STX8: variants seen among roughly 807,000 people sequenced by gnomAD.
STX8 encodes the protein syntaxin-8.
In STX8, 23 loss-of-function variants were observed where a neutral mutation model predicts 37.5. The observed-to-expected ratio is 0.61, with a 90% CI of 0.44 to 0.87. The LOEUF is 0.87. Ranked by LOEUF, STX8 falls within the 40% of genes least tolerant of loss-of-function variation. STX8 has a pLI of 0.00. For missense variants in STX8, 313 were observed against 284.7 expected, an observed-to-expected ratio of 1.10 and a Z score of -0.71; for synonymous variants, 115 against 99.1, an observed-to-expected ratio of 1.16 and a Z score of -0.95.
chr17:9,299,276 G>GGTTAATTCCCA, intron 7 of STX8, among the ~76,000 whole-genome samples: 1 of 152,136 alleles, frequency 6.6e-6, no homozygotes, highest in Middle Eastern at 3.4e-3. Context: ...TGGTGCAAAT[G>GGTTAATTCCCA]TGGTCACATG....
At chr17:9,364,706 G>T (rs910903370) in intron 7 of STX8, among the ~76,000 whole-genome samples, 1 of 151,854 alleles carries the variant, frequency 6.6e-6, no homozygotes, top group African/African-American at 2.4e-5. Context: ...AATTTTTTTT[G>T]TATTTTTAGT....
At chr17:9,530,994 G>T (rs924007307) in intron 4 of STX8, among the ~76,000 whole-genome samples, 1 of 152,214 alleles carries the variant, frequency 6.6e-6, no homozygotes, top group Non-Finnish European at 1.5e-5. Context: ...CTTATGTAGG[G>T]TGATAGCAGA....
intron 3 of STX8, among the ~76,000 whole-genome samples, chr17:9,549,141 G>A (rs72820009): frequency 0.25 from 38,363 of 152,092 alleles, 6,378 homozygotes; most frequent in Non-Finnish European, 0.36. Flanking sequence ...GATGAGACAG[G>A]ATAGAATAAG....
intron 4 of STX8, among the ~76,000 whole-genome samples, chr17:9,524,251 T>C (rs1171196150): frequency 3.3e-5 from 5 of 152,228 alleles, no homozygotes; most frequent in Admixed American, 6.5e-5. Flanking sequence ...CTCAGTCCTT[T>C]CAGGCTGCTA....
chr17:9,384,195 CA>C lies in STX8; in HGVS notation c.542-5543del, dbSNP rs1207578089. On this transcript the variant is annotated intron_variant, in intron 6 of 7. Coordinates refer to ENST00000306357, the MANE Select transcript of STX8 (RefSeq NM_004853.3). ...ACACGGTATTTTAAAGATACTGGTTCATTTTTTTTTCAATTGACAGATATCG... is the reference window on the plus strand; with the variant it reads ...ACACGGTATTTTAAAGATACTGGTTCTTTTTTTTTCAATTGACAGATATCG... 4.7e-5 allele frequency among the ~76,000 whole-genome samples: 7 copies of C among 150,002 alleles called. 1 individual carries two copies. The highest frequency in any genetic ancestry group is 9.8e-5 in the African/African-American group (4 of 40,720).
In STX8 at chr17:9,543,317, G is replaced by A. The variant is rs551289909; in HGVS notation, c.323+1855C>T. On this transcript the variant is annotated intron_variant, in intron 4 of 7. Coordinates refer to ENST00000306357, the MANE Select transcript of STX8 (RefSeq NM_004853.3). ...GTTTTTTGGTTTTTTTTTTTGAGAC[G>A]GAGTCTTGCTCTGTCGCCCAGGCTG... is the stretch of plus-strand genomic sequence containing the variant. Among the ~76,000 whole-genome samples the A allele has an allele frequency of 1.5e-4, 22 of 143,146 alleles. No individual in the cohort carries two copies. The East Asian group carries it at 3.4e-3, about 22-fold the overall frequency. The allele number at this position is 143,146 out of a possible 152,430, so 93.9% of individuals were successfully genotyped here. A position where few individuals can be genotyped will look rare whatever the true frequency, so the allele number is the denominator to read the frequency against.
intron 7 of STX8, among the ~76,000 whole-genome samples, chr17:9,363,615 C>G (rs191480592): frequency 6.6e-6 from 1 of 152,136 alleles, no homozygotes; most frequent in Admixed American, 6.5e-5. Context: ...CCAGAAAACG[C>G]GTACAAACAT....
chr17:9,445,551 G>A (rs1255044822), intron 6 of STX8, among the ~76,000 whole-genome samples: 1 of 150,014 alleles, frequency 6.7e-6, no homozygotes, highest in Non-Finnish European at 1.5e-5. Context: ...GGAATGAAGA[G>A]CTTTAAAACA....
Position 9,380,302 on chromosome 17 carries a change from C to A in STX8, c.542-1649G>T, listed in dbSNP as rs113570208. On this transcript the variant is annotated intron_variant, in intron 6 of 7. Coordinates refer to ENST00000306357, the MANE Select transcript of STX8 (RefSeq NM_004853.3). ...GAGAGAGAGGGTCTTGCTCTGTCAC[C>A]CAGACTGGATACAGGGTACCACAAT... Among the ~76,000 whole-genome samples, 5 of 147,242 alleles carry A rather than the reference C, an allele frequency of 3.4e-5. 1 individual carries two copies. The highest frequency in any genetic ancestry group is 1.3e-4 in the African/African-American group (5 of 39,166).
chr17:9,298,484 G>A (rs1205166625), intron 7 of STX8, among the ~76,000 whole-genome samples: 2 of 152,046 alleles, frequency 1.3e-5, no homozygotes, highest in East Asian at 3.9e-4. Flanking sequence ...AACTCTCTGT[G>A]AGCAAATGTA....
chr17:9,424,306 T>G (rs1913546851), intron 6 of STX8, among the ~76,000 whole-genome samples: 1 of 151,990 alleles, frequency 6.6e-6, no homozygotes, highest in Non-Finnish European at 1.5e-5. Context: ...CCTAAGGTTC[T>G]GCTTGGTTTT....
At chr17:9,510,614 C>A (rs747107348) in intron 4 of STX8, among the ~76,000 whole-genome samples, 43 of 151,948 alleles carry the variant, frequency 2.8e-4, no homozygotes, top group Non-Finnish European at 6.2e-4. Context: ...TGGGACACAG[C>A]AAAAGTAGTA....
At chr17:9,533,532 C>T (rs191930042) in intron 4 of STX8, among the ~76,000 whole-genome samples, 27 of 152,258 alleles carry the variant, frequency 1.8e-4, no homozygotes, top group African/African-American at 5.3e-4. Context: ...TTCAGGAAGA[C>T]AAGTGATAGG....
chr17:9,427,760 A>G (rs1049295051), intron 6 of STX8, among the ~76,000 whole-genome samples: 2 of 152,182 alleles, frequency 1.3e-5, no homozygotes. Context: ...GGGAGCCCAG[A>G]GTCCTAGAAG....
intron 7 of STX8, among the ~76,000 whole-genome samples, chr17:9,263,655 G>T (rs540339102): frequency 3.2e-4 from 48 of 152,198 alleles, no homozygotes; most frequent in African/African-American, 1.1e-3. Flanking sequence ...CAAAATTTTT[G>T]CTATGAAAAG....
At chr17:9,559,229 G>A (rs1278222464) in intron 2 of STX8, among the ~76,000 whole-genome samples, 1 of 152,132 alleles carries the variant, frequency 6.6e-6, no homozygotes, top group East Asian at 1.9e-4. Flanking sequence ...AAGATGGAAA[G>A]CCTAATTCAC....
At chr17:9,274,493 G>A (rs145320104) in intron 7 of STX8, among the ~76,000 whole-genome samples, 2,443 of 151,576 alleles carry the variant, frequency 0.016, 60 homozygotes, top group African/African-American at 0.056. Flanking sequence ...TGGCTAACAC[G>A]GTGAGACCCT....
At chr17:9,384,931 C>T (rs996258672) in intron 6 of STX8, among the ~76,000 whole-genome samples, 8 of 147,246 alleles carry the variant, frequency 5.4e-5, no homozygotes, top group African/African-American at 2.0e-4. Flanking sequence ...CCCCTCAACC[C>T]TTTTCTCTCC....
At chr17:9,413,061 T>G (rs913771249) in intron 6 of STX8, among the ~76,000 whole-genome samples, 6 of 152,182 alleles carry the variant, frequency 3.9e-5, no homozygotes, top group African/African-American at 1.4e-4. Flanking sequence ...GACTGACTGA[T>G]GGAGATACAA....
Sources: gnomAD v4.1 joint callset for allele counts (sites outside exome capture counted in the v4.1 genomes callset) on GRCh38, gnomAD v4.1.1 for gene constraint, MANE v1.5 for transcripts, NCBI Gene and HGNC (gene_info 2026-07-23, HGNC 2026-07-21) for gene names.